Variants in NUP153 observed in about 807,000 individuals in gnomAD.
NUP153 encodes the protein nuclear pore complex protein Nup153.
NUP153 carries 27 observed loss-of-function variants against 134.6 expected under a neutral mutation model. The observed-to-expected ratio is 0.20, with a 90% CI of 0.15 to 0.28. The LOEUF (loss-of-function observed/expected upper bound fraction) is 0.28, where lower values mean the gene tolerates loss of function less well. NUP153 is among the 10% of genes least tolerant of loss of function. The probability of loss-of-function intolerance (pLI) is 1.00; values close to 1 mark genes in which losing one functional copy is unlikely to be tolerated. For synonymous variants in NUP153, 640 were observed against 623.5 expected (o/e 1.03, Z -0.40); for missense variants, 1,821 against 1,731.3 (o/e 1.05, Z -0.92).
intron 2 of NUP153, among the ~76,000 whole-genome samples, chr6:17,676,708 G>C (rs181279965): frequency 2.8e-4 from 43 of 152,208 alleles, no homozygotes; most frequent in African/African-American, 9.6e-4. Flanking sequence ...AACTCACAAG[G>C]TGAGCCCTAC....
intron 16 of NUP153, among the ~76,000 whole-genome samples, chr6:17,636,312 G>A (rs1765548315): frequency 6.7e-6 from 1 of 150,264 alleles, no homozygotes; most frequent in East Asian, 2.0e-4. Flanking sequence ...TCCAGCCTGG[G>A]TGACACAGTG....
At chr6:17,684,854 T>C (rs1466604565) in intron 2 of NUP153, among the ~76,000 whole-genome samples, 2 of 152,212 alleles carry the variant, frequency 1.3e-5, no homozygotes, top group African/African-American at 4.8e-5. Context: ...GAATAGCCAG[T>C]TGGTGGAGCA....
At chr6:17,637,794 G>A in intron 15 of NUP153, 24 bp from the exon 16 acceptor site, 2 of 1,567,238 alleles carry the variant, frequency 1.3e-6, no homozygotes, top group Middle Eastern at 1.7e-4. Flanking sequence ...AGGAGAGAGT[G>A]CAACGTTAGA....
chr6:17,624,523 A>G (rs778060420), intron 20 of NUP153, 38 bp downstream of exon 20: 2 of 1,592,420 alleles, frequency 1.3e-6, no homozygotes, highest in East Asian at 2.2e-5. Flanking sequence ...AGACACACAA[A>G]ACCCATACAG....
At chr6:17,690,523 A>T (rs1342889292) in intron 1 of NUP153, among the ~76,000 whole-genome samples, 1 of 152,218 alleles carries the variant, frequency 6.6e-6, no homozygotes, top group Non-Finnish European at 1.5e-5. Context: ...AAATAATGTG[A>T]AGGCATGTAT....
intron 11 of NUP153, among the ~76,000 whole-genome samples, chr6:17,654,079 G>C (rs1378068695): frequency 1.3e-5 from 2 of 152,142 alleles, no homozygotes; most frequent in African/African-American, 4.8e-5. Context: ...GAATCTAACT[G>C]CTACTGTGTG....
chr6:17,623,084 C>T (rs1193862308), intron 20 of NUP153, among the ~76,000 whole-genome samples: 1 of 145,142 alleles, frequency 6.9e-6, no homozygotes, highest in Non-Finnish European at 1.5e-5. Flanking sequence ...GAGCGGAGAT[C>T]AAGCCACTGC....
At chr6:17,629,983 T>C (rs1765148670) in intron 17 of NUP153, among the ~76,000 whole-genome samples, 2 of 152,202 alleles carry the variant, frequency 1.3e-5, no homozygotes, top group South Asian at 4.1e-4. Context: ...CAAAATGCCA[T>C]ATGCAATCCA....
intron 14 of NUP153, among the ~76,000 whole-genome samples, chr6:17,645,754 C>A (rs1456428886): frequency 6.6e-6 from 1 of 152,140 alleles, no homozygotes; most frequent in African/African-American, 2.4e-5. Flanking sequence ...CTATAAATTT[C>A]TTATAATGAG....
At chr6:17,700,929 T>A (rs1770015187) in intron 1 of NUP153, among the ~76,000 whole-genome samples, 2 of 152,182 alleles carry the variant, frequency 1.3e-5, no homozygotes, top group Non-Finnish European at 2.9e-5. Context: ...TTCCTTCCCC[T>A]TTTTAAAAAT....
At chr6:17,657,398 A>AAT (rs1766888095) in intron 11 of NUP153, among the ~76,000 whole-genome samples, 1 of 149,250 alleles carries the variant, frequency 6.7e-6, no homozygotes, top group Non-Finnish European at 1.5e-5. Flanking sequence ...AAAAATAAAA[A>AAT]AATAAAAAAA....
At chr6:17,662,206 A>C in intron 9 of NUP153, 136 bp from the exon 10 acceptor site, 1 of 736,642 alleles carries the variant, frequency 1.4e-6, no homozygotes, top group Non-Finnish European at 2.3e-6. Context: ...TGAAATTTGA[A>C]ATTACACCCT....
chr6:17,669,229 C>G, intron 7 of NUP153, 64 bp downstream of exon 7: 1 of 1,382,374 alleles, frequency 7.2e-7, no homozygotes, highest in Non-Finnish European at 1.0e-6. Flanking sequence ...CAGGTGTGCA[C>G]CACCACACCC....
At chr6:17,644,639 A>G (rs1444204752) in intron 14 of NUP153, among the ~76,000 whole-genome samples, 1 of 151,898 alleles carries the variant, frequency 6.6e-6, no homozygotes, top group Non-Finnish European at 1.5e-5. Context: ...AAAGAAAACC[A>G]CCATTATAAA....
rs1581744388 is a variant in NUP153, at chr6:17,675,213, C to A, written c.723+16G>T. ...TCAAAACTAATGTGATTAAATCCAACCCAGTTAGTACTCACAGGGGAAAGT... is the reference window on the plus strand; with the variant it reads ...TCAAAACTAATGTGATTAAATCCAAACCAGTTAGTACTCACAGGGGAAAGT... On this transcript the variant is annotated intron_variant, in intron 4 of 21. Transcript: ENST00000262077. The surrounding 1 kb of genome is among the most constrained non-coding windows in gnomAD (Gnocchi z 4.4). The A allele has an allele frequency of 6.2e-7, 1 of 1,612,848 alleles. No individual in the cohort carries two copies. Among genetic ancestry groups the A allele is most frequent in the African/African-American group, 1.3e-5 (1 of 74,728 alleles).
rs372595606 is a variant in NUP153, at chr6:17,637,503, T to C, written c.2114A>G (p.Lys705Arg). Residue 705 changes from lysine (K) to arginine (R), a missense_variant, in exon 16 of 22, where the codon AAA (lysine) becomes AGA (arginine). Physicochemically the swap from Lys to Arg is conservative, Grantham distance 26 (BLOSUM62 2). Coordinates refer to ENST00000262077, the MANE Select transcript of NUP153 (RefSeq NM_005124.4). ...TGTCCCTGATGCAGAAAGAGTTGTT[T>C]TGCCACTTTTATTTGGTGTTTCAAT... ...TGIETPNKSG[K>R]TTLSASGTGF... 2.2e-5 allele frequency: 36 copies of C among 1,614,146 alleles called. No individual in the cohort carries two copies. The highest frequency in any genetic ancestry group is 2.5e-5 in the Non-Finnish European group (30 of 1,180,042).
chr6:17,657,377 T>C (rs1766880419), intron 11 of NUP153, among the ~76,000 whole-genome samples: 1 of 145,126 alleles, frequency 6.9e-6, no homozygotes, highest in African/African-American at 2.6e-5. Flanking sequence ...ACCCCGTCTC[T>C]ACTAAAATAA....
intron 20 of NUP153, among the ~76,000 whole-genome samples, chr6:17,618,032 G>A (rs1352961327): frequency 6.6e-6 from 1 of 152,002 alleles, no homozygotes; most frequent in Non-Finnish European, 1.5e-5. Flanking sequence ...AATACCGAGC[G>A]CTCCAGCCAT....
At position 17,629,111 on chromosome 6, in the gene NUP153, T is replaced by C; in HGVS notation, c.3088A>G (p.Asn1030Asp). The C allele has an allele frequency of 1.2e-6, 2 of 1,614,152 alleles. No homozygotes were observed. The highest frequency in any genetic ancestry group is 8.5e-7 in the Non-Finnish European group (1 of 1,180,028). The change falls in exon 18 of 22, where the codon AAC becomes GAC. Residue 1030 changes from asparagine (N) to aspartate (D), a missense_variant. Coordinates refer to ENST00000262077, the MANE Select transcript of NUP153 (RefSeq NM_005124.4). ...AGFSFGTGVI[N>D]STPAPANTIV... ...GTGTTAGCAGGAGCAGGGGTGGAGT[T>C]AATAACACCTGTACCAAAGCTAAAA... is the stretch of plus-strand genomic sequence containing the variant.
Sources: gnomAD v4.1 joint callset for allele counts (sites outside exome capture counted in the v4.1 genomes callset) on GRCh38, gnomAD v4.1.1 for gene constraint, Gnocchi (gnomAD v3.1) non-coding constraint, MANE v1.5 for transcripts, NCBI Gene and HGNC (gene_info 2026-07-23, HGNC 2026-07-21) for gene names.